The following MMP13 variants were observed in gnomAD, a reference collection of about 807,000 sequenced individuals.
MMP13 encodes the protein matrix metallopeptidase 13.
Under a neutral mutation model 52.1 loss-of-function variants are expected in MMP13, and 45 were observed. The observed-to-expected ratio is 0.86, with a 90% CI of 0.68 to 1.11. MMP13 has a LOEUF of 1.11. MMP13 is among the 50% of genes least tolerant of loss of function. The pLI is 0.00. For missense variants in MMP13, 576 were observed against 583.8 expected (o/e 0.99, Z 0.14); for synonymous variants, 200 against 204.4 (o/e 0.98, Z 0.18).
Position 102,945,532 on chromosome 11 carries a change from C to A in MMP13, c.1315+114G>T, listed in dbSNP as rs571950883. ...CACACAGGAACAATTAATTCCTTAACTGCCATACATTTATTAACACATCTA... is the reference window on the plus strand; with the variant it reads ...CACACAGGAACAATTAATTCCTTAAATGCCATACATTTATTAACACATCTA... On this transcript the variant is annotated intron_variant, in intron 9 of 9. Coordinates refer to ENST00000260302, the MANE Select transcript of MMP13 (RefSeq NM_002427.4). 27 of 730,784 alleles carry A rather than the reference C, an allele frequency of 3.7e-5. 1 individual carries two copies. In the South Asian group the frequency reaches 4.1e-4, roughly 11 times the overall value. The allele number at this position is 730,784 out of a possible 1,614,324, so 45.3% of individuals were successfully genotyped here. A position where few individuals can be genotyped will look rare whatever the true frequency, so the allele number is the denominator to read the frequency against.
chr11:102,947,395 G>A (rs11828157), intron 8 of MMP13, among the ~76,000 whole-genome samples: 6,971 of 152,108 alleles, frequency 0.046, 428 homozygotes, highest in African/African-American at 0.14. Context: ...GCAAAACCCC[G>A]TCTCTACTAA....
chr11:102,952,175 T>G lies in MMP13; in HGVS notation c.638-2A>C, dbSNP rs535910906. 1 of 1,612,734 alleles carries G rather than the reference T, an allele frequency of 6.2e-7. No homozygotes were observed. The highest frequency in any genetic ancestry group is 1.3e-5 in the African/African-American group (1 of 74,948). The stretch of plus-strand genomic sequence containing the variant: ...CAGCAACAAGAAACAAGTTGTAGCC[T>G]GTAAGAAAACAAAGAAACAATGAGA... On this transcript the variant is annotated splice_acceptor_variant, in intron 4 of 9. Coordinates refer to ENST00000260302, the MANE Select transcript of MMP13 (RefSeq NM_002427.4). LOFTEE classifies it high-confidence loss of function. This position sits in a 1 kb window ranked among gnomAD's most constrained non-coding sequence, Gnocchi z 4.3.
In MMP13 at chr11:102,944,202, G is replaced by A. The variant is rs548682647; in HGVS notation, c.*64C>T. 3.0e-5 allele frequency: 36 copies of A among 1,202,804 alleles called. No individual in the cohort carries two copies. The Admixed American group carries it at 3.4e-4, about 11-fold the overall frequency. The allele number at this position is 1,202,804 out of a possible 1,614,324, so 74.5% of individuals were successfully genotyped here. A position where few individuals can be genotyped will look rare whatever the true frequency, so the allele number is the denominator to read the frequency against. ...CTGATAGCTCTTCTTCCCCTACCCCGCACTTCTGGAAGTATTACCCCAAAT... is the reference window on the plus strand; with the variant it reads ...CTGATAGCTCTTCTTCCCCTACCCCACACTTCTGGAAGTATTACCCCAAAT... On this transcript the variant is annotated 3_prime_UTR_variant, in exon 10 of 10. Coordinates refer to ENST00000260302, the MANE Select transcript of MMP13 (RefSeq NM_002427.4).
At position 102,944,312 on chromosome 11, in the gene MMP13, T is replaced by C; in HGVS notation, c.1370A>G (p.Asn457Ser). ...TGCTGGCATGACGCGAACAATACGG[T>C]TACTCCAGATGCTGTATTCAAACTG... ...PIQFEYSIWS[N>S]RIVRVMPANS... Residue 457 changes from asparagine (N) to serine (S), a missense_variant, in exon 10 of 10, where the codon AAC becomes AGC. By Grantham distance (46) the Asn-to-Ser change is conservative (BLOSUM62 1). Transcript: ENST00000260302. The C allele has an allele frequency of 1.2e-6, 2 of 1,613,410 alleles. No homozygotes were observed. The highest frequency in any genetic ancestry group is 1.7e-6 in the Non-Finnish European group (2 of 1,179,536).
Position 102,949,550 on chromosome 11 carries a change from C to A in MMP13, c.918-392G>T, listed in dbSNP as rs955107963. Among the ~76,000 whole-genome samples, 1 of 152,022 alleles carries A rather than the reference C, an allele frequency of 6.6e-6. No homozygotes were observed. The highest frequency in any genetic ancestry group is 1.5e-5 in the Non-Finnish European group (1 of 68,002). On this transcript the variant is annotated intron_variant, in intron 6 of 9. Coordinates refer to ENST00000260302, the MANE Select transcript of MMP13 (RefSeq NM_002427.4). This position sits in a 1 kb window ranked among gnomAD's most constrained non-coding sequence, Gnocchi z 4.2. Reference sequence around the variant, plus strand: ...CCTGGGAAAACATACATGAGAAACACCCCCCGCCCCACGAGTACAATGTAA... The same window carrying A: ...CCTGGGAAAACATACATGAGAAACAACCCCCGCCCCACGAGTACAATGTAA...
In MMP13 at chr11:102,955,258, G is replaced by C; in HGVS notation, c.356C>G (p.Thr119Ser). Residue 119 changes from threonine to serine, a missense_variant, in exon 2 of 10, where the codon ACC (threonine) becomes AGC (serine). Thr to Ser is a moderately conservative substitution (Grantham distance 58). Coordinates refer to ENST00000260302, the MANE Select transcript of MMP13 (RefSeq NM_002427.4). The surrounding 1 kb of genome is among the most constrained non-coding windows in gnomAD (Gnocchi z 4.9). The part of the protein sequence containing the change: ...RTLKWSKMNL[T>S]YRIVNYTPDM... The stretch of plus-strand genomic sequence containing the variant: ...AAGATAGCCTATGATTTACCTGTAG[G>C]TTAAATTCATTTTGGACCATTTAAG... 1 of 1,613,716 alleles carries C rather than the reference G, an allele frequency of 6.2e-7. No homozygotes were observed. Among genetic ancestry groups the C allele is most frequent in the Non-Finnish European group, 8.5e-7 (1 of 1,179,744 alleles).
Position 102,950,090 on chromosome 11 carries a change from T to C in MMP13, c.917+20A>G, listed in dbSNP as rs1367513050. 3 of 1,572,444 alleles carry C rather than the reference T, an allele frequency of 1.9e-6. No individual in the cohort carries two copies. Among genetic ancestry groups the C allele is most frequent in the South Asian group, 2.2e-5 (2 of 90,290 alleles). On this transcript the variant is annotated intron_variant, in intron 6 of 9. Transcript: ENST00000260302. ...AGATGTTTGTCGCATACAGACTTTA[T>C]GAAAGAATCTCAAGAGTACCTGTCT...
chr11:102,950,953 T>C (rs1860601819), intron 5 of MMP13, among the ~76,000 whole-genome samples: 2 of 152,230 alleles, frequency 1.3e-5, no homozygotes, highest in Admixed American at 1.3e-4. Context: ...ATGGCTATGC[T>C]AGCTACTGTG....
At chr11:102,947,441 C>T (rs1860528609) in intron 8 of MMP13, among the ~76,000 whole-genome samples, 1 of 152,078 alleles carries the variant, frequency 6.6e-6, no homozygotes, top group Non-Finnish European at 1.5e-5. Flanking sequence ...TGGCACATGC[C>T]TGTAATCCCA....
chr11:102,955,328 A>G lies in MMP13; in HGVS notation c.286T>C (p.Cys96Arg). 1 of 1,614,018 alleles carries G rather than the reference A, an allele frequency of 6.2e-7. No homozygotes were observed. The change falls in exon 2 of 10, where the codon TGC becomes CGC. Residue 96 changes from cysteine to arginine, a missense_variant. By Grantham distance (180) the Cys-to-Arg change is radical (BLOSUM62 -3). Coordinates refer to ENST00000260302, the MANE Select transcript of MMP13 (RefSeq NM_002427.4). The surrounding 1 kb of genome is among the most constrained non-coding windows in gnomAD (Gnocchi z 4.9). Reference protein sequence around the residue: ...NTLDVMKKPRCGVPDVGEYNV... With the variant: ...NTLDVMKKPRRGVPDVGEYNV... ...TATTCACCCACATCAGGAACCCCGC[A>G]TCTTGGCTTTTTCATGACATCTAAG...
chr11:102,945,666 T>G lies in MMP13; in HGVS notation c.1295A>C (p.Asp432Ala). Reference protein sequence around the residue: ...EDFPGIGDKVDAVYEKNGYIY... With the variant: ...EDFPGIGDKVAAVYEKNGYIY... ...CTTACCATTTTTCTCATAGACAGCA[T>G]CTACTTTATCACCAATTCCTGGGAA... Residue 432 changes from aspartate (D) to alanine (A), a missense_variant, in exon 9 of 10, where the codon GAT becomes GCT. Physicochemically the swap from Asp to Ala is moderately radical, Grantham distance 126 (BLOSUM62 -2). Transcript: ENST00000260302. 6.3e-7 allele frequency: 1 copy of G among 1,597,858 alleles called. No homozygotes were observed.
chr11:102,953,289 T>C (rs1263181836), intron 4 of MMP13, among the ~76,000 whole-genome samples: 1 of 152,226 alleles, frequency 6.6e-6, no homozygotes, highest in East Asian at 1.9e-4. Context: ...CATTCTTACC[T>C]GTGAAATACC....
At chr11:102,954,406 G>A in intron 3 of MMP13, 52 bp downstream of exon 3, 1 of 1,594,672 alleles carries the variant, frequency 6.3e-7, no homozygotes, top group Non-Finnish European at 8.6e-7. Flanking sequence ...TTTTAAAATG[G>A]AACCAAGAAT....
In MMP13 at chr11:102,952,986, C is replaced by A. The variant is rs1860636506; in HGVS notation, c.638-813G>T. 6.6e-6 allele frequency among the ~76,000 whole-genome samples: 1 copy of A among 152,104 alleles called. No homozygotes were observed. The highest frequency in any genetic ancestry group is 1.5e-5 in the Non-Finnish European group (1 of 68,000). On this transcript the variant is annotated intron_variant, in intron 4 of 9. Transcript: ENST00000260302. This position sits in a 1 kb window ranked among gnomAD's most constrained non-coding sequence, Gnocchi z 4.3. ...GTGGATTCCATTTGACCTTAAATAC[C>A]CTCTGCTATTGTAGCCTGTGCATGA... is the stretch of plus-strand genomic sequence containing the variant.
Position 102,955,170 on chromosome 11 carries a change from TAATA to T in MMP13, c.362+78_362+81del. 6.6e-7 allele frequency: 1 copy of T among 1,508,026 alleles called. No homozygotes were observed. Among genetic ancestry groups the T allele is most frequent in the South Asian group, 1.1e-5 (1 of 87,266 alleles). 93.4% of individuals were successfully genotyped at this position (1,508,026 alleles called of 1,614,324 possible). ...TTCTGGAATTTAACTGCCAATTAAA[TAATA>T]AGGCCTACTTAATATTAGACATTTA... On this transcript the variant is annotated intron_variant, in intron 2 of 9. Transcript: ENST00000260302. This position sits in a 1 kb window ranked among gnomAD's most constrained non-coding sequence, Gnocchi z 4.9.
Position 102,951,867 on chromosome 11 carries a change from A to G in MMP13, c.799+145T>C, listed in dbSNP as rs116080567. ...AAGAAAGGTACATTAAAAATACTGT[A>G]TTACAGTATTATGAAACCTTTGTCA... On this transcript the variant is annotated intron_variant, in intron 5 of 9. Coordinates refer to ENST00000260302, the MANE Select transcript of MMP13 (RefSeq NM_002427.4). 3.4e-3 allele frequency: 2,734 copies of G among 795,432 alleles called. 55 individuals are homozygous for G. The African/African-American group carries it at 0.042, about 12-fold the overall frequency. The allele number at this position is 795,432 out of a possible 1,614,324, so 49.3% of individuals were successfully genotyped here.
In MMP13 at chr11:102,955,590, G is replaced by A; in HGVS notation, c.116C>T (p.Ala39Val). The A allele has an allele frequency of 1.2e-6, 2 of 1,613,990 alleles. No homozygotes were observed. Among genetic ancestry groups the A allele is most frequent in the Non-Finnish European group, 1.7e-6 (2 of 1,179,920 alleles). Residue 39 changes from alanine (A) to valine (V), a missense_variant, in exon 1 of 10, where the codon GCA (alanine) becomes GTA (valine). Transcript: ENST00000260302. This position sits in a 1 kb window ranked among gnomAD's most constrained non-coding sequence, Gnocchi z 4.9. ...DDLSEEDLQF[A>V]ERYLRSYYHP... is the part of the protein sequence containing the mutation. The stretch of plus-strand genomic sequence containing the variant: ...AGGATTGGCAAGATACTCTACCTCT[G>A]CAAACTGGAGGTCTTCCTCAGACAA...
chr11:102,950,294 A>G (rs1226890999), intron 5 of MMP13, 67 bp from the exon 6 acceptor site: 4 of 1,248,728 alleles, frequency 3.2e-6, no homozygotes, highest in Non-Finnish European at 3.5e-6. Context: ...GTCACAGTAC[A>G]ACAGGCTGAT....
intron 2 of MMP13, among the ~76,000 whole-genome samples, chr11:102,954,904 G>A (rs1259793053): frequency 1.3e-5 from 2 of 152,060 alleles, no homozygotes; most frequent in African/African-American, 4.8e-5. Context: ...CATTGATAAA[G>A]CTCAAATAAA....
Sources: gnomAD v4.1 joint callset for allele counts (sites outside exome capture counted in the v4.1 genomes callset) on GRCh38, gnomAD v4.1.1 for gene constraint, Gnocchi (gnomAD v3.1) non-coding constraint, MANE v1.5 for transcripts, NCBI Gene and HGNC (gene_info 2026-07-23, HGNC 2026-07-21) for gene names.